The following ATP10A variants were observed in gnomAD, a reference collection of about 807,000 sequenced individuals.
The protein encoded by ATP10A is ATPase phospholipid transporting 10A (putative), also known as phospholipid-transporting ATPase VA.
ATP10A carries 111 observed loss-of-function variants against 147.8 expected under a neutral mutation model. The observed-to-expected ratio is 0.75, with a 90% CI of 0.64 to 0.88. ATP10A has a LOEUF of 0.88. Ranked by LOEUF, ATP10A falls within the 40% of genes least tolerant of loss-of-function variation. The pLI is 0.00. For missense variants in ATP10A, 1,927 were observed against 1,959.0 expected, an observed-to-expected ratio of 0.98 and a Z score of 0.31; for synonymous variants, 875 against 841.6, an observed-to-expected ratio of 1.04 and a Z score of -0.69.
At chr15:25,687,551 C>T in intron 16 of ATP10A, 152 bp downstream of exon 16, 1 of 827,504 alleles carries the variant, frequency 1.2e-6, no homozygotes, top group Admixed American at 2.5e-5. Flanking sequence ...CAGAGCCAGC[C>T]CAGGACAGGG....
downstream of ATP10A, among the ~76,000 whole-genome samples, chr15:25,676,720 T>C (rs538178312): frequency 2.7e-5 from 4 of 149,758 alleles, no homozygotes; most frequent in East Asian, 5.8e-4. Context: ...TGTTGTCTGA[T>C]ATTAATATAA....
At chr15:25,681,165 A>T in intron 17 of ATP10A, 91 bp from the exon 18 acceptor site, 1 of 1,273,898 alleles carries the variant, frequency 7.8e-7, no homozygotes, top group South Asian at 1.4e-5. Context: ...ACTTGTGTTA[A>T]AAACAACAAC....
intron 2 of ATP10A, among the ~76,000 whole-genome samples, chr15:25,760,769 ACAGGAGCTTGAGGCTGCAGTGAG>A (rs1888718436): frequency 6.6e-6 from 1 of 152,152 alleles, no homozygotes; most frequent in Admixed American, 6.6e-5. Flanking sequence ...TGGCTTGAAC[ACAGGAGCTTGAGGCTGCAGTGAG>A]CTATGATCGT....
intron 2 of ATP10A, among the ~76,000 whole-genome samples, chr15:25,736,554 T>C (rs908017728): frequency 2.0e-5 from 3 of 152,174 alleles, no homozygotes; most frequent in Non-Finnish European, 2.9e-5. Context: ...TAAATTCTAT[T>C]TTTTCAACGT....
At position 25,759,581 on chromosome 15, in the gene ATP10A, G is replaced by A. The variant is rs940028216; in HGVS notation, c.654+21438C>T. Among the ~76,000 whole-genome samples the A allele has an allele frequency of 3.9e-5, 6 of 152,172 alleles. No homozygotes were observed. In the East Asian group the frequency reaches 7.8e-4, roughly 20 times the overall value. On this transcript the variant is annotated intron_variant, in intron 2 of 20. Coordinates refer to ENST00000555815, the MANE Select transcript of ATP10A (RefSeq NM_024490.4). ...AGCACTTCTGGAGGCCAAGGTGGGC[G>A]GATTGCTTGAGACCAAGAGTTCGAG...
chr15:25,790,812 T>C (rs1044398799), intron 1 of ATP10A, among the ~76,000 whole-genome samples: 1 of 152,156 alleles, frequency 6.6e-6, no homozygotes, highest in Non-Finnish European at 1.5e-5. Context: ...ATCTCAATAA[T>C]ACTGCCCACT....
At chr15:25,711,212 C>T (rs17637002) in intron 10 of ATP10A, among the ~76,000 whole-genome samples, 5,973 of 152,158 alleles carry the variant, frequency 0.039, 157 homozygotes, top group East Asian at 0.15. Context: ...TCAGCCAACT[C>T]GGGCCTCTTC....
At chr15:25,764,689 T>A (rs985166265) in intron 2 of ATP10A, among the ~76,000 whole-genome samples, 1 of 152,210 alleles carries the variant, frequency 6.6e-6, no homozygotes, top group African/African-American at 2.4e-5. Context: ...CTGTGGTCAT[T>A]TCATTACAGT....
rs781379562 is a variant in ATP10A, at chr15:25,744,382, G to GTA, written c.655-8243_655-8242dup. 3.5e-3 allele frequency among the ~76,000 whole-genome samples: 537 copies of GTA among 152,146 alleles called. 5 individuals are homozygous for GTA. The highest frequency in any genetic ancestry group is 0.013 in the African/African-American group (519 of 41,506). On this transcript the variant is annotated intron_variant, in intron 2 of 20. Coordinates refer to ENST00000555815, the MANE Select transcript of ATP10A (RefSeq NM_024490.4). Reference sequence around the variant, plus strand: ...TGTGCATGTATGTGTGTGAGTGTGTGTATATATATATGAAATACAAGGCCT... The same window carrying GTA: ...TGTGCATGTATGTGTGTGAGTGTGTGTATATATATATATGAAATACAAGGCCT...
At position 25,786,129 on chromosome 15, in the gene ATP10A, C is replaced by T. The variant is rs575968433; in HGVS notation, c.450-4906G>A. On this transcript the variant is annotated intron_variant, in intron 1 of 20. Coordinates refer to ENST00000555815, the MANE Select transcript of ATP10A (RefSeq NM_024490.4). ...CAGGCCATGCAGGCAAGGTCGTGCCCAGGCGGGGAAGCTGGCGTTGTGGCT... is the reference window on the plus strand; with the variant it reads ...CAGGCCATGCAGGCAAGGTCGTGCCTAGGCGGGGAAGCTGGCGTTGTGGCT... Among the ~76,000 whole-genome samples the T allele has an allele frequency of 3.9e-5, 6 of 152,300 alleles. No individual in the cohort carries two copies. The East Asian group carries it at 5.8e-4, about 15-fold the overall frequency.
intron 16 of ATP10A, 54 bp from the exon 17 acceptor site, chr15:25,683,540 G>T: frequency 6.6e-7 from 1 of 1,522,668 alleles, no homozygotes. Flanking sequence ...CATTGCTGAG[G>T]ATTCTCATCC....
chr15:25,749,588 T>A (rs1163581548), intron 2 of ATP10A, among the ~76,000 whole-genome samples: 1 of 152,160 alleles, frequency 6.6e-6, no homozygotes, highest in Non-Finnish European at 1.5e-5. Flanking sequence ...TCAAATCCAA[T>A]ATCTGGCATC....
At chr15:25,819,566 G>A (rs959514753) in intron 1 of ATP10A, among the ~76,000 whole-genome samples, 5 of 147,398 alleles carry the variant, frequency 3.4e-5, no homozygotes, top group Admixed American at 6.7e-5. Context: ...GCAATCCCAC[G>A]ATAGGGTATG....
chr15:25,723,353 A>G (rs1345169158), intron 6 of ATP10A, among the ~76,000 whole-genome samples: 1 of 81,832 alleles, frequency 1.2e-5, no homozygotes, highest in East Asian at 4.6e-4. Context: ...TCTAAAAAAA[A>G]AAAGAAAAAG....
chr15:25,845,328 G>GTGTC (rs36014791), intron 1 of ATP10A, among the ~76,000 whole-genome samples: 1 of 136,858 alleles, frequency 7.3e-6, no homozygotes, highest in Non-Finnish European at 1.5e-5. Flanking sequence ...GTGTTTGTGT[G>GTGTC]TGTGTGTGTG....
chr15:25,757,101 T>A (rs1888455360), intron 2 of ATP10A, among the ~76,000 whole-genome samples: 1 of 152,222 alleles, frequency 6.6e-6, no homozygotes, highest in African/African-American at 2.4e-5. Flanking sequence ...TCATTAAATG[T>A]TTAGGTCATT....
At chr15:25,726,827 G>A (rs1173211183) in intron 4 of ATP10A, among the ~76,000 whole-genome samples, 4 of 151,316 alleles carry the variant, frequency 2.6e-5, no homozygotes, top group Non-Finnish European at 5.9e-5. Context: ...CAAGGCGGGC[G>A]GATCACGAGA....
intron 1 of ATP10A, among the ~76,000 whole-genome samples, chr15:25,809,602 G>A (rs1420467080): frequency 1.3e-5 from 2 of 152,026 alleles, no homozygotes; most frequent in Non-Finnish European, 2.9e-5. Flanking sequence ...TAAACCCTTC[G>A]TTTTTATTCA....
In ATP10A at chr15:25,679,187, A is replaced by C; in HGVS notation, c.*154T>G. 2 of 564,304 alleles carry C rather than the reference A, an allele frequency of 3.5e-6. No individual in the cohort carries two copies. Among genetic ancestry groups the C allele is most frequent in the Non-Finnish European group, 5.0e-6 (2 of 396,152 alleles). 35.0% of individuals were successfully genotyped at this position (564,304 alleles called of 1,614,324 possible). On this transcript the variant is annotated 3_prime_UTR_variant, in exon 21 of 21. Transcript: ENST00000555815. ...TCAATATACTCTACTTAGAATTTTA[A>C]AAAATAAACTTTCTTTTTTGGTACC...
Sources: allele counts gnomAD v4.1 joint callset (sites outside exome capture counted in the v4.1 genomes callset), GRCh38; gene constraint gnomAD v4.1.1; transcripts MANE v1.5; gene names NCBI Gene and HGNC (gene_info 2026-07-23, HGNC 2026-07-21).